Variants in GALNTL6 observed in about 807,000 individuals in gnomAD.
GALNTL6 encodes the protein polypeptide N-acetylgalactosaminyltransferase like 6.
GALNTL6 carries 46 observed loss-of-function variants against 73.7 expected under a neutral mutation model. The observed-to-expected ratio is 0.62, with a 90% CI of 0.49 to 0.80. The LOEUF (loss-of-function observed/expected upper bound fraction) is 0.80. Ranked by LOEUF, GALNTL6 falls within the 30% of genes least tolerant of loss-of-function variation. The pLI, the probability that GALNTL6 is intolerant of heterozygous loss-of-function variation, is 0.00. For synonymous variants in GALNTL6, 259 were observed against 263.7 expected (o/e 0.98, Z 0.17); for missense variants, 604 against 755.0 (o/e 0.80, Z 2.34).
chr4:172,285,144 T>C (rs1200805556), intron 3 of GALNTL6, among the ~76,000 whole-genome samples: 1 of 152,172 alleles, frequency 6.6e-6, no homozygotes, highest in Non-Finnish European at 1.5e-5. Flanking sequence ...CTTTAGATCT[T>C]TCACTTCCTT....
At chr4:172,426,061 G>A (rs1731217042) in intron 5 of GALNTL6, among the ~76,000 whole-genome samples, 1 of 152,034 alleles carries the variant, frequency 6.6e-6, no homozygotes, top group African/African-American at 2.4e-5. Context: ...TTATCACATG[G>A]TGGCATGTGT....
chr4:171,861,143 T>A (rs528106506), intron 2 of GALNTL6, among the ~76,000 whole-genome samples: 29 of 152,184 alleles, frequency 1.9e-4, no homozygotes, highest in Non-Finnish European at 4.0e-4. Context: ...AGCTCTGCAA[T>A]ATTGAGCATA....
chr4:171,869,683 C>T (rs915927717), intron 2 of GALNTL6, among the ~76,000 whole-genome samples: 9 of 152,156 alleles, frequency 5.9e-5, no homozygotes, highest in African/African-American at 2.2e-4. Flanking sequence ...CAAATCTCAT[C>T]TTGAATTGTA....
chr4:172,231,046 A>G (rs1043862296), intron 3 of GALNTL6, among the ~76,000 whole-genome samples: 3 of 101,290 alleles, frequency 3.0e-5, no homozygotes, highest in African/African-American at 9.7e-5. Flanking sequence ...GCTTATTCCA[A>G]AGATGTTCCC....
rs145408782 is a variant in GALNTL6 at position 172,481,769 on chromosome 4, G to A, written c.553+133080G>A. On this transcript the variant is annotated intron_variant, in intron 5 of 12. Transcript: ENST00000506823. ...TGATTGGTACATATATAATCTTCCC[G>A]CTAGACATAAAAGTTCTCCAAGTCC... Among the ~76,000 whole-genome samples, 631 of 152,286 alleles carry A rather than the reference G, an allele frequency of 4.1e-3. 3 individuals are homozygous for A. The highest frequency in any genetic ancestry group is 7.2e-3 in the Non-Finnish European group (493 of 68,026).
At chr4:172,879,934 A>G (rs1184349041) in intron 7 of GALNTL6, among the ~76,000 whole-genome samples, 1 of 152,014 alleles carries the variant, frequency 6.6e-6, no homozygotes, top group African/African-American at 2.4e-5. Flanking sequence ...AATTATGGAA[A>G]TGCAAAATAA....
At chr4:172,054,735 C>T (rs1422842555) in intron 2 of GALNTL6, among the ~76,000 whole-genome samples, 1 of 152,044 alleles carries the variant, frequency 6.6e-6, no homozygotes, top group Non-Finnish European at 1.5e-5. Context: ...GTTTAAAGTA[C>T]AAAAGTAACC....
intron 5 of GALNTL6, among the ~76,000 whole-genome samples, chr4:172,403,096 T>C (rs1744097229): frequency 6.6e-6 from 1 of 152,066 alleles, no homozygotes; most frequent in South Asian, 2.1e-4. Context: ...GTCTAGTTAG[T>C]TGTTCAAAGA....
At chr4:172,953,972 G>GT (rs983828104) in intron 10 of GALNTL6, among the ~76,000 whole-genome samples, 45 of 152,040 alleles carry the variant, frequency 3.0e-4, no homozygotes, top group African/African-American at 1.0e-3. Flanking sequence ...TCCTTCTACA[G>GT]TTTTTTTTGT....
chr4:172,976,130 T>A (rs1265783564), intron 10 of GALNTL6, among the ~76,000 whole-genome samples: 2 of 152,132 alleles, frequency 1.3e-5, no homozygotes, highest in Non-Finnish European at 2.9e-5. Flanking sequence ...CTGCTCCAAG[T>A]GGACACCTCT....
At chr4:173,017,456 C>A (rs1409067841) in intron 11 of GALNTL6, among the ~76,000 whole-genome samples, 17 of 152,168 alleles carry the variant, frequency 1.1e-4, no homozygotes, top group Admixed American at 6.5e-5. Context: ...TTCATAATGT[C>A]TGTTTCTGCT....
At chr4:172,046,535 A>G (rs1203429704) in intron 2 of GALNTL6, among the ~76,000 whole-genome samples, 1 of 151,964 alleles carries the variant, frequency 6.6e-6, no homozygotes, top group Admixed American at 6.6e-5. Flanking sequence ...GACCCTTGTT[A>G]TCTTTTGTCT....
chr4:172,747,412 A>G (rs1737171507), intron 5 of GALNTL6, among the ~76,000 whole-genome samples: 1 of 152,180 alleles, frequency 6.6e-6, no homozygotes, highest in African/African-American at 2.4e-5. Flanking sequence ...GATAAAGTGG[A>G]AAAATGTTCA....
intron 2 of GALNTL6, among the ~76,000 whole-genome samples, chr4:171,983,062 A>G (rs77427941): frequency 1.3e-5 from 2 of 152,232 alleles, no homozygotes; most frequent in East Asian, 3.9e-4. Flanking sequence ...AACCCTTTTG[A>G]AAAAAACTCA....
chr4:171,945,421 G>A (rs1222342653), intron 2 of GALNTL6, among the ~76,000 whole-genome samples: 2 of 152,078 alleles, frequency 1.3e-5, no homozygotes, highest in African/African-American at 2.4e-5. Context: ...AAACCAAAAG[G>A]ATAAGCAGCA....
At chr4:172,117,752 T>G (rs1301131897) in intron 2 of GALNTL6, among the ~76,000 whole-genome samples, 2 of 152,034 alleles carry the variant, frequency 1.3e-5, no homozygotes, top group Non-Finnish European at 2.9e-5. Flanking sequence ...TGCATCAACA[T>G]GAATGAATCT....
At chr4:172,102,862 G>T (rs1056220831) in intron 2 of GALNTL6, among the ~76,000 whole-genome samples, 1 of 152,148 alleles carries the variant, frequency 6.6e-6, no homozygotes, top group African/African-American at 2.4e-5. Context: ...CAAGGCTCCT[G>T]CAGTTTAATG....
chr4:172,451,646 T>C (rs927673218), intron 5 of GALNTL6, among the ~76,000 whole-genome samples: 1 of 152,170 alleles, frequency 6.6e-6, no homozygotes, highest in Non-Finnish European at 1.5e-5. Flanking sequence ...TATATAGATA[T>C]AGATATCCTT....
At chr4:172,362,501 T>C (rs193019259) in intron 5 of GALNTL6, among the ~76,000 whole-genome samples, 88 of 152,238 alleles carry the variant, frequency 5.8e-4, no homozygotes, top group African/African-American at 1.9e-3. Flanking sequence ...GGGCTTTTCC[T>C]TGGGCTTCTC....
Sources: allele counts gnomAD v4.1 joint callset (sites outside exome capture counted in the v4.1 genomes callset), GRCh38; gene constraint gnomAD v4.1.1; transcripts MANE v1.5; gene names NCBI Gene and HGNC (gene_info 2026-07-23, HGNC 2026-07-21).